PRUNE2: variants seen among roughly 807,000 people sequenced by gnomAD.
PRUNE2 encodes protein prune homolog 2.
A neutral mutation model predicts 252.0 loss-of-function variants in PRUNE2; 164 were observed. That is an observed-to-expected ratio of 0.65 (90% confidence interval 0.57 to 0.74). PRUNE2 has a LOEUF of 0.74. Among genes scored for constraint, PRUNE2 ranks in the 30% least tolerant of loss-of-function variants. The probability of loss-of-function intolerance (pLI) is 0.00; values close to 1 mark genes in which losing one functional copy is unlikely to be tolerated. For missense variants in PRUNE2, 3,495 were observed against 3,711.0 expected (o/e 0.94, Z 1.51); for synonymous variants, 1,292 against 1,350.2 (o/e 0.96, Z 0.94).
At chr9:76,618,378 A>G (rs573337462) in intron 18 of PRUNE2, among the ~76,000 whole-genome samples, 1 of 152,342 alleles carries the variant, frequency 6.6e-6, no homozygotes, top group South Asian at 2.1e-4. Context: ...GAGATGAGAC[A>G]CATTTAAAAC....
chr9:76,773,211 T>C (rs911010749), intron 6 of PRUNE2, among the ~76,000 whole-genome samples: 3 of 152,210 alleles, frequency 2.0e-5, no homozygotes, highest in African/African-American at 4.8e-5. Context: ...AGGAAAAACT[T>C]TGAATTACTG....
intron 6 of PRUNE2, among the ~76,000 whole-genome samples, chr9:76,791,255 A>G (rs1200679799): frequency 1.3e-5 from 2 of 149,562 alleles, no homozygotes; most frequent in Non-Finnish European, 1.5e-5. Flanking sequence ...ACCAATTATC[A>G]TTGGTACAAT....
intron 9 of PRUNE2, among the ~76,000 whole-genome samples, chr9:76,666,106 A>T (rs1287562989): frequency 6.6e-6 from 1 of 152,176 alleles, no homozygotes; most frequent in Non-Finnish European, 1.5e-5. Context: ...AGAAGACAAG[A>T]GTGTGAGCCT....
At chr9:76,895,783 T>A (rs564659815) in intron 1 of PRUNE2, among the ~76,000 whole-genome samples, 121 of 152,142 alleles carry the variant, frequency 8.0e-4, no homozygotes, top group African/African-American at 2.8e-3. Flanking sequence ...CTATTTTATT[T>A]ATTTATTTAT....
Position 76,846,571 on chromosome 9 carries a change from T to A in PRUNE2, c.452A>T (p.Glu151Val). 6.2e-7 allele frequency: 1 copy of A among 1,614,150 alleles called. No individual in the cohort carries two copies. Among genetic ancestry groups the A allele is most frequent in the Non-Finnish European group, 8.5e-7 (1 of 1,180,000 alleles). ...GAGCTCAGGAGCCTCTTGGAGAATC[T>A]CCTTTAGCACGAGAGAAGAGGAAGA... ...RESSSSLVLK[E>V]ILQEAPELIT... Residue 151 changes from glutamate to valine, a missense_variant, in exon 4 of 19, where the codon GAG becomes GTG. Glu to Val is a moderately radical substitution (Grantham distance 121). Coordinates refer to ENST00000376718, the MANE Select transcript of PRUNE2 (RefSeq NM_015225.3).
intron 1 of PRUNE2, chr9:76,856,302 G>A (rs2060247566): frequency 6.6e-6 from 1 of 152,220 alleles, no homozygotes; most frequent in Non-Finnish European, 1.5e-5. Flanking sequence ...GGAATTCAGG[G>A]AGAAGAGAGA....
intron 4 of PRUNE2, among the ~76,000 whole-genome samples, chr9:76,844,458 C>G (rs1169941581): frequency 6.6e-6 from 1 of 152,204 alleles, no homozygotes; most frequent in African/African-American, 2.4e-5. Flanking sequence ...GATGCCAGCA[C>G]TATGCTTTTC....
intron 11 of PRUNE2, among the ~76,000 whole-genome samples, chr9:76,647,442 A>T (rs572599617): frequency 1.3e-5 from 2 of 152,220 alleles, no homozygotes; most frequent in Non-Finnish European, 2.9e-5. Context: ...TAGAAGAGAA[A>T]ATGTAACTGG....
intron 6 of PRUNE2, among the ~76,000 whole-genome samples, chr9:76,774,637 T>C (rs1423804635): frequency 6.6e-6 from 1 of 151,842 alleles, no homozygotes; most frequent in Non-Finnish European, 1.5e-5. Context: ...TTTTGTGCTT[T>C]TAGTAGAGAT....
At position 76,855,678 on chromosome 9, in the gene PRUNE2, T is replaced by C. The variant is rs537255290; in HGVS notation, c.37-1470A>G. 5.3e-5 allele frequency among the ~76,000 whole-genome samples: 8 copies of C among 152,270 alleles called. No individual in the cohort carries two copies. The South Asian group carries it at 8.3e-4, about 16-fold the overall frequency. On this transcript the variant is annotated intron_variant, in intron 1 of 18. Transcript: ENST00000376718. ...TGCAGATATAATCCAATATGTAACA[T>C]TGCTAAATTAAAATAAATTTTTTTT...
intron 18 of PRUNE2, chr9:76,615,235 T>G: frequency 4.1e-6 from 4 of 985,378 alleles, no homozygotes; most frequent in Non-Finnish European, 4.8e-6. Flanking sequence ...ACAGCACAAC[T>G]TCCTACCGCA....
At chr9:76,668,271 C>T (rs507551) in intron 9 of PRUNE2, among the ~76,000 whole-genome samples, 103,414 of 152,096 alleles carry the variant, frequency 0.68, 36,217 homozygotes, top group Non-Finnish European at 0.76. Flanking sequence ...GGAGGGTTTT[C>T]AAAAACAGTC....
chr9:76,713,862 A>G (rs2046930204), intron 6 of PRUNE2, 141 bp from the exon 7 acceptor site: 2 of 537,634 alleles, frequency 3.7e-6, no homozygotes, highest in East Asian at 6.5e-5. Flanking sequence ...TTGCTTTGAG[A>G]AGGAGTGGAA....
At chr9:76,811,119 A>G (rs1312196113) in intron 6 of PRUNE2, among the ~76,000 whole-genome samples, 1 of 152,234 alleles carries the variant, frequency 6.6e-6, no homozygotes, top group Non-Finnish European at 1.5e-5. Flanking sequence ...TGGTCTGAGC[A>G]CATTCCTAAA....
At chr9:76,838,895 G>A (rs1395026279) in intron 4 of PRUNE2, among the ~76,000 whole-genome samples, 2 of 152,082 alleles carry the variant, frequency 1.3e-5, no homozygotes, top group East Asian at 3.8e-4. Context: ...CTGTTTACAT[G>A]TCCTTTTATA....
At chr9:76,808,987 C>G (rs2057170340) in intron 6 of PRUNE2, 1 of 152,188 alleles carries the variant, frequency 6.6e-6, no homozygotes, top group South Asian at 2.1e-4. Context: ...AATAACCATG[C>G]TCTCTCTCCT....
intron 2 of PRUNE2, 132 bp downstream of exon 2, chr9:76,853,965 ATAATACT>A: frequency 2.1e-6 from 1 of 468,500 alleles, no homozygotes; most frequent in Non-Finnish European, 3.8e-6. Flanking sequence ...TTCATGGATG[ATAATACT>A]TTATACTCTG....
At position 76,703,215 on chromosome 9, in the gene PRUNE2, T is replaced by C. The variant is rs1467905967; in HGVS notation, c.8276+122A>G. On this transcript the variant is annotated intron_variant, in intron 9 of 18. Transcript: ENST00000376718. ...GCTTTTACTGATGGTGTGCCTTGCA[T>C]TCAATATAAGCAAAGCTGCTATCAT... 1.1e-5 allele frequency: 9 copies of C among 791,576 alleles called. No homozygotes were observed. The Admixed American group carries it at 2.1e-4, about 19-fold the overall frequency. 49.0% of individuals were successfully genotyped at this position (791,576 alleles called of 1,614,324 possible).
At chr9:76,885,078 C>A (rs1158434891) in intron 1 of PRUNE2, among the ~76,000 whole-genome samples, 7 of 152,136 alleles carry the variant, frequency 4.6e-5, no homozygotes, top group Non-Finnish European at 1.0e-4. Flanking sequence ...GGTTATTTAC[C>A]CAAAGGGAAG....
Sources: gnomAD v4.1 joint callset for allele counts (sites outside exome capture counted in the v4.1 genomes callset) on GRCh38, gnomAD v4.1.1 for gene constraint, MANE v1.5 for transcripts, NCBI Gene and HGNC (gene_info 2026-07-23, HGNC 2026-07-21) for gene names.